Variants in RGS6 observed in about 807,000 individuals in gnomAD.
RGS6 encodes regulator of G protein signaling 6.
RGS6 carries 30 observed loss-of-function variants against 78.5 expected under a neutral mutation model. The ratio of observed to expected loss-of-function variants is 0.38; its 90% confidence interval spans 0.29 to 0.52. RGS6 has a LOEUF of 0.52. Ranked by LOEUF, RGS6 falls within the 20% of genes least tolerant of loss-of-function variation. The pLI is 0.85. For synonymous variants in RGS6, 206 were observed against 206.0 expected, an observed-to-expected ratio of 1.00 and a Z score of 0.00; for missense variants, 495 against 609.7, an observed-to-expected ratio of 0.81 and a Z score of 1.98.
intron 3 of RGS6, among the ~76,000 whole-genome samples, chr14:72,356,885 C>T (rs917554016): frequency 1.6e-4 from 24 of 152,168 alleles, no homozygotes; most frequent in Admixed American, 1.4e-3. Flanking sequence ...ATAAATTACC[C>T]AATCTTGGGT....
chr14:72,367,262 A>G (rs904622929), intron 3 of RGS6, among the ~76,000 whole-genome samples: 2 of 152,222 alleles, frequency 1.3e-5, no homozygotes, highest in Non-Finnish European at 2.9e-5. Context: ...TTTCCAGGAC[A>G]TCCCCATGGG....
the RGS6 span, among the ~76,000 whole-genome samples, chr14:72,628,452 A>G: frequency 1.3e-5 from 2 of 152,194 alleles, no homozygotes; most frequent in Non-Finnish European, 2.9e-5. Flanking sequence ...TCTTCCTGGA[A>G]TTACTCCAGC....
chr14:72,082,176 T>A lies in RGS6; in HGVS notation c.84+117301T>A, dbSNP rs552123768. 5.9e-5 allele frequency among the ~76,000 whole-genome samples: 9 copies of A among 152,190 alleles called. No individual in the cohort carries two copies. The South Asian group carries it at 6.2e-4, about 11-fold the overall frequency. The stretch of plus-strand genomic sequence containing the variant: ...ATGAATTTTAGGATTTAAAAAAAAA[T>A]TTCTGTGAAGCATGTCATTGGTATT... On this transcript the variant is annotated intron_variant, in intron 2 of 17. Transcript: ENST00000553525.
chr14:72,284,819 A>G (rs925156518), intron 2 of RGS6, among the ~76,000 whole-genome samples: 10 of 152,336 alleles, frequency 6.6e-5, no homozygotes, highest in African/African-American at 2.4e-4. Flanking sequence ...GCTGGGAGGT[A>G]GGCTGTACCC....
At chr14:71,996,499 G>A (rs1297637262) in intron 2 of RGS6, among the ~76,000 whole-genome samples, 1 of 152,060 alleles carries the variant, frequency 6.6e-6, no homozygotes, top group African/African-American at 2.4e-5. Flanking sequence ...TGTTGTTTAT[G>A]GGATCCCAGA....
At chr14:72,165,338 G>C (rs145361128) in intron 2 of RGS6, among the ~76,000 whole-genome samples, 15 of 152,212 alleles carry the variant, frequency 9.9e-5, no homozygotes, top group African/African-American at 3.6e-4. Context: ...ATCTGTCAAG[G>C]AGAAACAAAG....
intron 2 of RGS6, among the ~76,000 whole-genome samples, chr14:72,216,081 C>T (rs2045492965): frequency 1.3e-5 from 2 of 152,182 alleles, no homozygotes; most frequent in Admixed American, 1.3e-4. Flanking sequence ...ACTCTATCAT[C>T]TAAAGATCTC....
chr14:72,374,546 A>T (rs553078324), intron 3 of RGS6, among the ~76,000 whole-genome samples: 31 of 152,346 alleles, frequency 2.0e-4, no homozygotes, highest in African/African-American at 7.5e-4. Context: ...TCTCTATTTC[A>T]GTACTGCCCC....
At chr14:72,483,432 G>T (rs1201117325) in intron 12 of RGS6, among the ~76,000 whole-genome samples, 1 of 152,072 alleles carries the variant, frequency 6.6e-6, no homozygotes, top group Non-Finnish European at 1.5e-5. Context: ...TGAGATTGCC[G>T]CTGCTCCCTG....
rs202080217 is a variant in RGS6 at position 72,269,145 on chromosome 14, A to T, written c.85-82950A>T. Among the ~76,000 whole-genome samples the T allele has an allele frequency of 2.0e-3, 10 of 4,968 alleles. 1 individual carries two copies. The East Asian group carries it at 0.035, about 17-fold the overall frequency. 3.3% of individuals were successfully genotyped at this position (4,968 alleles called of 152,430 possible). On this transcript the variant is annotated intron_variant, in intron 2 of 17. Coordinates refer to ENST00000553525, the MANE Select transcript of RGS6 (RefSeq NM_001204424.2). ...AATCTATTACCTCCGCCCCCCCACCACCCACCTTGCTCCAAGCCTCCATCA... is the reference window on the plus strand; with the variant it reads ...AATCTATTACCTCCGCCCCCCCACCTCCCACCTTGCTCCAAGCCTCCATCA...
chr14:72,219,693 A>G (rs537118421), intron 2 of RGS6, among the ~76,000 whole-genome samples: 9 of 152,110 alleles, frequency 5.9e-5, no homozygotes, highest in African/African-American at 2.2e-4. Context: ...TATCTTTGCT[A>G]TATGTTTTAA....
At chr14:72,202,098 G>A (rs1480690709) in intron 2 of RGS6, among the ~76,000 whole-genome samples, 1 of 152,222 alleles carries the variant, frequency 6.6e-6, no homozygotes, top group African/African-American at 2.4e-5. Flanking sequence ...TCATGATGAA[G>A]TATTAACATG....
intron 2 of RGS6, among the ~76,000 whole-genome samples, chr14:72,274,947 A>G (rs995705796): frequency 6.6e-6 from 1 of 152,214 alleles, no homozygotes; most frequent in African/African-American, 2.4e-5. Context: ...TTTACTCATG[A>G]TCAACTACTT....
intron 2 of RGS6, among the ~76,000 whole-genome samples, chr14:72,079,326 C>A (rs951521696): frequency 6.6e-6 from 1 of 152,124 alleles, no homozygotes; most frequent in Non-Finnish European, 1.5e-5. Context: ...CATATATTAT[C>A]TGTGTAGACT....
chr14:72,577,290 T>C, the RGS6 span, among the ~76,000 whole-genome samples: 188 of 152,320 alleles, frequency 1.2e-3, no homozygotes, highest in African/African-American at 4.3e-3. Context: ...AAGTTGAAAG[T>C]TTGAAATGTG....
intron 15 of RGS6, among the ~76,000 whole-genome samples, chr14:72,520,157 T>TA (rs541257416): frequency 0.037 from 5,624 of 152,072 alleles, 347 homozygotes; most frequent in African/African-American, 0.13. Flanking sequence ...TATGTATCTC[T>TA]AAAAAAAAGA....
chr14:72,535,063 G>A (rs932709266), intron 15 of RGS6, among the ~76,000 whole-genome samples: 5 of 152,192 alleles, frequency 3.3e-5, no homozygotes, highest in Non-Finnish European at 2.9e-5. Flanking sequence ...CCACTTCAAT[G>A]GATAAATAAT....
chr14:72,557,127 A>C (rs1376869002), intron 17 of RGS6, among the ~76,000 whole-genome samples: 30 of 152,240 alleles, frequency 2.0e-4, no homozygotes, highest in Admixed American at 2.0e-3. Context: ...TCTGTTGTGG[A>C]GGAACCATAA....
At chr14:72,383,831 A>G (rs564230911) in intron 3 of RGS6, among the ~76,000 whole-genome samples, 2 of 152,304 alleles carry the variant, frequency 1.3e-5, no homozygotes, top group South Asian at 4.1e-4. Flanking sequence ...TTTTAAACGT[A>G]ATAATAAAAC....
Sources: gnomAD v4.1 joint callset for allele counts (sites outside exome capture counted in the v4.1 genomes callset) on GRCh38, gnomAD v4.1.1 for gene constraint, MANE v1.5 for transcripts, NCBI Gene and HGNC (gene_info 2026-07-23, HGNC 2026-07-21) for gene names.